The following FAR2 variants were observed in gnomAD, a reference collection of about 807,000 sequenced individuals.
FAR2 encodes fatty acyl-CoA reductase 2.
FAR2 carries 19 observed loss-of-function variants against 56.0 expected under a neutral mutation model. That is an observed-to-expected ratio of 0.34 (90% CI 0.24 to 0.50). FAR2 has a LOEUF of 0.50. FAR2 is among the 20% of genes least tolerant of loss of function. The pLI, the probability that FAR2 is intolerant of heterozygous loss-of-function variation, is 0.98. For synonymous variants in FAR2, 219 were observed against 218.8 expected (o/e 1.00, Z -0.01); for missense variants, 508 against 642.2 (o/e 0.79, Z 2.26).
intron 1 of FAR2, among the ~76,000 whole-genome samples, chr12:29,215,926 C>A (rs1947616163): frequency 2.0e-5 from 3 of 152,112 alleles, no homozygotes; most frequent in South Asian, 4.1e-4. Flanking sequence ...CCCTATGAAT[C>A]CTTCTCCTCC....
intron 1 of FAR2, among the ~76,000 whole-genome samples, chr12:29,232,713 T>C (rs1947877777): frequency 6.6e-6 from 1 of 152,010 alleles, no homozygotes. Context: ...CTCTGTATAG[T>C]CTTTCATAGT....
At chr12:29,178,647 G>C (rs1165585779) in intron 1 of FAR2, among the ~76,000 whole-genome samples, 1 of 152,188 alleles carries the variant, frequency 6.6e-6, no homozygotes, top group African/African-American at 2.4e-5. Context: ...CAGGACGGGG[G>C]ACAGCCTTGT....
intron 1 of FAR2, among the ~76,000 whole-genome samples, chr12:29,260,437 A>G (rs923508086): frequency 7.9e-5 from 12 of 152,152 alleles, no homozygotes; most frequent in East Asian, 3.9e-4. Context: ...ATACTGGCTT[A>G]TGTTTTGTTT....
At chr12:29,230,544 G>A (rs998187600) in intron 1 of FAR2, among the ~76,000 whole-genome samples, 8 of 152,016 alleles carry the variant, frequency 5.3e-5, no homozygotes, top group Non-Finnish European at 5.9e-5. Context: ...GTGGATCACC[G>A]GGTCTGACAT....
At chr12:29,191,025 T>C (rs943108183) in intron 1 of FAR2, among the ~76,000 whole-genome samples, 1 of 152,110 alleles carries the variant, frequency 6.6e-6, no homozygotes, top group Non-Finnish European at 1.5e-5. Flanking sequence ...TGTCCTCATT[T>C]CCCTCCCTGG....
At chr12:29,213,604 C>T (rs1045974909) in intron 1 of FAR2, among the ~76,000 whole-genome samples, 20 of 150,834 alleles carry the variant, frequency 1.3e-4, no homozygotes, top group Middle Eastern at 3.4e-3. Flanking sequence ...GCAGGGGAAT[C>T]GCTTGAATCC....
At chr12:29,220,454 TC>T (rs1947672885) in intron 1 of FAR2, among the ~76,000 whole-genome samples, 1 of 152,210 alleles carries the variant, frequency 6.6e-6, no homozygotes, top group South Asian at 2.1e-4. Flanking sequence ...GCTACGTTTC[TC>T]TATTAATTTA....
chr12:29,235,844 G>T (rs1260931200), intron 1 of FAR2, among the ~76,000 whole-genome samples: 1 of 152,046 alleles, frequency 6.6e-6, no homozygotes, highest in African/African-American at 2.4e-5. Flanking sequence ...CTACCATATT[G>T]CTTTTCCAAT....
chr12:29,326,070 A>G (rs1949639836), intron 10 of FAR2, among the ~76,000 whole-genome samples: 1 of 152,192 alleles, frequency 6.6e-6, no homozygotes, highest in African/African-American at 2.4e-5. Context: ...CAAAGGGGAT[A>G]TCACCACCGA....
At chr12:29,173,891 G>T (rs1031579977) in intron 1 of FAR2, among the ~76,000 whole-genome samples, 12 of 152,086 alleles carry the variant, frequency 7.9e-5, no homozygotes, top group African/African-American at 2.9e-4. Context: ...GGATTTAGTG[G>T]CCCTTACTAA....
At chr12:29,166,523 C>T (rs1360509672) in intron 1 of FAR2, among the ~76,000 whole-genome samples, 1 of 152,202 alleles carries the variant, frequency 6.6e-6, no homozygotes, top group Non-Finnish European at 1.5e-5. Context: ...TTGCCCGTCA[C>T]CTCCAGATTA....
At chr12:29,283,556 C>G (rs999166596) in intron 2 of FAR2, among the ~76,000 whole-genome samples, 2 of 152,120 alleles carry the variant, frequency 1.3e-5, no homozygotes, top group African/African-American at 2.4e-5. Flanking sequence ...AGTATAAGTT[C>G]AGTTCATTTT....
chr12:29,214,469 T>A (rs1412265548), intron 1 of FAR2, among the ~76,000 whole-genome samples: 1 of 152,192 alleles, frequency 6.6e-6, no homozygotes, highest in Non-Finnish European at 1.5e-5. Context: ...AAAGCTGGTT[T>A]AGCAAATAAA....
At chr12:29,200,977 A>G (rs918487936) in intron 1 of FAR2, among the ~76,000 whole-genome samples, 1 of 152,120 alleles carries the variant, frequency 6.6e-6, no homozygotes, top group Non-Finnish European at 1.5e-5. Context: ...TCTGTGTGTC[A>G]GTGTACTTTA....
intron 8 of FAR2, among the ~76,000 whole-genome samples, chr12:29,316,063 G>C (rs1016500793): frequency 6.6e-6 from 1 of 151,846 alleles, no homozygotes; most frequent in Admixed American, 6.6e-5. Flanking sequence ...ACAGATTTTA[G>C]CTGGTATTTT....
At chr12:29,269,381 T>A (rs1948575583) in intron 1 of FAR2, among the ~76,000 whole-genome samples, 1 of 152,238 alleles carries the variant, frequency 6.6e-6, no homozygotes, top group Admixed American at 6.5e-5. Flanking sequence ...TTTCTCTTAT[T>A]CCCTGAACAA....
intron 2 of FAR2, among the ~76,000 whole-genome samples, chr12:29,278,469 A>T (rs2136720642): frequency 6.6e-6 from 1 of 151,980 alleles, no homozygotes; most frequent in South Asian, 2.1e-4. Flanking sequence ...CCTCCCAAGT[A>T]GCTGGGACCA....
At chr12:29,168,694 T>C (rs1279285953) in intron 1 of FAR2, among the ~76,000 whole-genome samples, 1 of 152,184 alleles carries the variant, frequency 6.6e-6, no homozygotes, top group African/African-American at 2.4e-5. Flanking sequence ...CTCGCTGACT[T>C]CAAGAATGAA....
intron 8 of FAR2, among the ~76,000 whole-genome samples, chr12:29,313,619 G>T (rs1949390798): frequency 6.6e-6 from 1 of 152,002 alleles, no homozygotes; most frequent in Admixed American, 6.6e-5. Flanking sequence ...CAGGCTTTCA[G>T]TTTCTACTGG....
Sources: allele counts gnomAD v4.1 joint callset (sites outside exome capture counted in the v4.1 genomes callset), GRCh38; gene constraint gnomAD v4.1.1; transcripts MANE v1.5; gene names NCBI Gene and HGNC (gene_info 2026-07-23, HGNC 2026-07-21).